FHIT: variants seen among roughly 807,000 people sequenced by gnomAD.
FHIT encodes the protein fragile histidine triad diadenosine triphosphatase, also known as bis(5'-adenosyl)-triphosphatase.
FHIT carries 19 observed loss-of-function variants against 17.9 expected under a neutral mutation model. The ratio of observed to expected loss-of-function variants is 1.06; its 90% CI spans 0.74 to 1.56. The LOEUF (loss-of-function observed/expected upper bound fraction) is 1.56. Among genes scored for constraint, FHIT ranks in the 40% most tolerant of loss-of-function variants. FHIT has a pLI of 0.00. For synonymous variants in FHIT, 81 were observed against 69.7 expected, an observed-to-expected ratio of 1.16 and a Z score of -0.81; for missense variants, 248 against 189.2, an observed-to-expected ratio of 1.31 and a Z score of -1.82.
At chr3:59,895,595 C>A (rs554001113) in intron 8 of FHIT, among the ~76,000 whole-genome samples, 1 of 152,286 alleles carries the variant, frequency 6.6e-6, no homozygotes, top group South Asian at 2.1e-4. Flanking sequence ...CATCCAGAAC[C>A]TAACAATAAG....
intron 7 of FHIT, among the ~76,000 whole-genome samples, chr3:59,964,199 C>T (rs187761197): frequency 1.3e-3 from 203 of 152,194 alleles, no homozygotes; most frequent in Non-Finnish European, 2.3e-3. Context: ...AGGGTAAAGG[C>T]TCAAATATAT....
chr3:60,418,702 C>T (rs1328047508), intron 5 of FHIT, among the ~76,000 whole-genome samples: 4 of 149,614 alleles, frequency 2.7e-5, no homozygotes, highest in African/African-American at 7.4e-5. Flanking sequence ...TATTATGCAA[C>T]ATCTAGTATT....
At chr3:60,531,248 T>C (rs933569002) in intron 5 of FHIT, among the ~76,000 whole-genome samples, 3 of 151,562 alleles carry the variant, frequency 2.0e-5, no homozygotes, top group Non-Finnish European at 4.4e-5. Flanking sequence ...CTCATTTTAC[T>C]TGTACAGGAA....
At chr3:60,310,467 T>C (rs542109883) in intron 5 of FHIT, among the ~76,000 whole-genome samples, 17 of 152,158 alleles carry the variant, frequency 1.1e-4, no homozygotes, top group African/African-American at 2.9e-4. Flanking sequence ...AGACAATCAA[T>C]GATAAATTTC....
chr3:60,628,424 TTCTC>T (rs1213999009), intron 4 of FHIT, among the ~76,000 whole-genome samples: 2 of 145,802 alleles, frequency 1.4e-5, no homozygotes, highest in Non-Finnish European at 3.1e-5. Context: ...TTTTATCTCT[TTCTC>T]TGATATTTCT....
intron 5 of FHIT, among the ~76,000 whole-genome samples, chr3:60,155,202 T>C (rs1186751989): frequency 6.7e-6 from 1 of 149,046 alleles, no homozygotes; most frequent in African/African-American, 2.5e-5. Context: ...GTCACAGAGC[T>C]GGTGCCATTC....
At chr3:60,553,246 T>G (rs1422642815) in intron 4 of FHIT, 2 of 190,736 alleles carry the variant, frequency 1.0e-5, no homozygotes, top group Non-Finnish European at 1.9e-5. Context: ...CCACAGGAAT[T>G]TTTTTTTTAA....
At chr3:60,360,246 T>C (rs1004046184) in intron 5 of FHIT, among the ~76,000 whole-genome samples, 2 of 152,088 alleles carry the variant, frequency 1.3e-5, no homozygotes, top group Non-Finnish European at 2.9e-5. Flanking sequence ...AAATTTTTTT[T>C]TTTGAGATGG....
chr3:60,675,877 G>A (rs1159034222), intron 4 of FHIT, among the ~76,000 whole-genome samples: 5 of 152,180 alleles, frequency 3.3e-5, no homozygotes, highest in Admixed American at 2.6e-4. Flanking sequence ...TTGAAAGCAG[G>A]AGAGAGTATA....
At chr3:60,066,885 C>T (rs1338705039) in intron 5 of FHIT, among the ~76,000 whole-genome samples, 1 of 151,862 alleles carries the variant, frequency 6.6e-6, no homozygotes, top group Admixed American at 6.6e-5. Flanking sequence ...ACCTTGTGAT[C>T]CGCCCACCTC....
intron 3 of FHIT, among the ~76,000 whole-genome samples, chr3:60,834,074 G>A (rs1702432845): frequency 6.6e-6 from 1 of 152,164 alleles, no homozygotes; most frequent in Non-Finnish European, 1.5e-5. Context: ...GGCTATTACA[G>A]ATAAAGCTCT....
chr3:60,481,301 T>C (rs912166334), intron 5 of FHIT, among the ~76,000 whole-genome samples: 1 of 151,992 alleles, frequency 6.6e-6, no homozygotes, highest in African/African-American at 2.4e-5. Context: ...CAGACCAACA[T>C]GCAAATTCAG....
intron 2 of FHIT, among the ~76,000 whole-genome samples, chr3:61,127,662 C>T (rs1343409295): frequency 1.3e-5 from 2 of 151,952 alleles, no homozygotes; most frequent in Non-Finnish European, 2.9e-5. Context: ...GTCAGGAGTT[C>T]GAGACCAGCC....
chr3:60,685,464 C>G (rs1209368492), intron 4 of FHIT, among the ~76,000 whole-genome samples: 1 of 152,042 alleles, frequency 6.6e-6, no homozygotes, highest in African/African-American at 2.4e-5. Context: ...CTGCATTGGC[C>G]TGGTACACTC....
At chr3:60,728,778 C>T (rs1243734733) in intron 4 of FHIT, among the ~76,000 whole-genome samples, 2 of 151,872 alleles carry the variant, frequency 1.3e-5, no homozygotes, top group Non-Finnish European at 2.9e-5. Flanking sequence ...ACCTCATCAA[C>T]AAAGTGTCAT....
At chr3:60,272,545 T>A (rs1355422459) in intron 5 of FHIT, among the ~76,000 whole-genome samples, 1 of 152,094 alleles carries the variant, frequency 6.6e-6, no homozygotes, top group East Asian at 1.9e-4. Flanking sequence ...TGTGAAAACA[T>A]ATCAAATCTT....
chr3:60,758,901 T>C (rs2108048569), intron 4 of FHIT, among the ~76,000 whole-genome samples: 1 of 152,232 alleles, frequency 6.6e-6, no homozygotes. Flanking sequence ...GGACTGCTGA[T>C]TTATAAAAGA....
intron 4 of FHIT, among the ~76,000 whole-genome samples, chr3:60,762,556 GA>G (rs1156688142): frequency 6.6e-6 from 1 of 152,128 alleles, no homozygotes; most frequent in African/African-American, 2.4e-5. Flanking sequence ...GCATCTTGGG[GA>G]AAATAAGCCC....
chr3:60,200,194 G>A (rs1414180221), intron 5 of FHIT, among the ~76,000 whole-genome samples: 5 of 152,270 alleles, frequency 3.3e-5, no homozygotes, highest in African/African-American at 1.2e-4. Flanking sequence ...TAAAGGCAGA[G>A]ACACTGGATT....
Sources: allele counts gnomAD v4.1 joint callset (sites outside exome capture counted in the v4.1 genomes callset), GRCh38; gene constraint gnomAD v4.1.1; transcripts MANE v1.5; gene names NCBI Gene and HGNC (gene_info 2026-07-23, HGNC 2026-07-21).